The following GABRG3 variants were observed in gnomAD, a reference collection of about 807,000 sequenced individuals.
GABRG3 encodes gamma-aminobutyric acid receptor subunit gamma-3.
Under a neutral mutation model 48.8 loss-of-function variants are expected in GABRG3, and 25 were observed. That is an observed-to-expected ratio of 0.51 (90% CI 0.37 to 0.72). GABRG3 has a LOEUF of 0.72. GABRG3 is among the 30% of genes least tolerant of loss of function. GABRG3 has a pLI of 0.00. For synonymous variants in GABRG3, 227 were observed against 217.6 expected (o/e 1.04, Z -0.38); for missense variants, 394 against 577.9 (o/e 0.68, Z 3.26).
rs1029228357 is a variant in GABRG3, at chr15:27,287,725, G to T, written c.271-39084G>T. On this transcript the variant is annotated intron_variant, in intron 3 of 9. Coordinates refer to ENST00000615808, the MANE Select transcript of GABRG3 (RefSeq NM_033223.5). ...GGAATAATATCTATTCATTCAAGAT[G>T]ATTTGCTGTGTCTTTTTTTTTTTTT... Among the ~76,000 whole-genome samples, 43 of 146,336 alleles carry T rather than the reference G, an allele frequency of 2.9e-4. 1 individual carries two copies. Among genetic ancestry groups the T allele is most frequent in the African/African-American group, 9.9e-4 (39 of 39,346 alleles).
intron 3 of GABRG3, among the ~76,000 whole-genome samples, chr15:27,227,343 T>G (rs866319100): frequency 6.6e-6 from 1 of 151,956 alleles, no homozygotes; most frequent in African/African-American, 2.4e-5. Flanking sequence ...ACAGAAAAGT[T>G]ACCTGGGCCT....
intron 2 of GABRG3, among the ~76,000 whole-genome samples, chr15:27,003,658 A>G (rs184896033): frequency 0.065 from 9,952 of 152,198 alleles, 370 homozygotes; most frequent in East Asian, 0.18. Flanking sequence ...CGATTTCTCA[A>G]TCTTTTCCCC....
intron 5 of GABRG3, among the ~76,000 whole-genome samples, chr15:27,407,036 T>A (rs1054453500): frequency 2.6e-5 from 4 of 152,086 alleles, no homozygotes; most frequent in African/African-American, 9.7e-5. Context: ...CAAGCAATTC[T>A]CCTGCCTCAC....
chr15:27,454,067 T>G (rs1341228776), intron 5 of GABRG3, among the ~76,000 whole-genome samples: 5 of 152,234 alleles, frequency 3.3e-5, no homozygotes, highest in Non-Finnish European at 5.9e-5. Context: ...CAGAGGCAGC[T>G]GCCACACTGA....
chr15:27,314,658 G>A (rs914550160), intron 3 of GABRG3, among the ~76,000 whole-genome samples: 8 of 152,138 alleles, frequency 5.3e-5, no homozygotes, highest in Admixed American at 1.3e-4. Context: ...TGAAAACAAC[G>A]TAATGTCCAT....
At chr15:27,224,437 C>G (rs900097824) in intron 3 of GABRG3, among the ~76,000 whole-genome samples, 4 of 152,112 alleles carry the variant, frequency 2.6e-5, no homozygotes, top group Non-Finnish European at 5.9e-5. Context: ...TCACAGCTAC[C>G]CAGGAAGCAG....
intron 2 of GABRG3, among the ~76,000 whole-genome samples, chr15:27,012,094 C>T (rs1034860289): frequency 6.6e-6 from 1 of 152,066 alleles, no homozygotes; most frequent in African/African-American, 2.4e-5. Flanking sequence ...TTGAATACTG[C>T]AGATCAGATG....
intron 6 of GABRG3, among the ~76,000 whole-genome samples, chr15:27,518,223 G>A (rs1891073071): frequency 7.1e-6 from 1 of 141,646 alleles, no homozygotes; most frequent in Non-Finnish European, 1.5e-5. Flanking sequence ...AAAAGAATTA[G>A]CCAGACGTGG....
chr15:27,347,968 A>G (rs965783843), intron 5 of GABRG3, among the ~76,000 whole-genome samples: 2 of 151,970 alleles, frequency 1.3e-5, no homozygotes, highest in African/African-American at 4.8e-5. Context: ...GCTTTTTCTC[A>G]TTGTAAGGAT....
chr15:27,245,923 C>T (rs540026970), intron 3 of GABRG3, among the ~76,000 whole-genome samples: 73 of 152,238 alleles, frequency 4.8e-4, no homozygotes, highest in Admixed American at 1.7e-3. Flanking sequence ...TGTACAAGGG[C>T]GACACCAGCA....
rs529168133 is a variant in GABRG3 at position 27,538,618 on chromosome 15, C to A, written c.*5737C>A. 1.3e-5 allele frequency: 2 copies of A among 152,192 alleles called. No individual in the cohort carries two copies. Among genetic ancestry groups the A allele is most frequent in the Middle Eastern group, 3.2e-3 (1 of 316 alleles). 9.4% of individuals were successfully genotyped at this position (152,192 alleles called of 1,614,324 possible). ...ATGGTTCCTGCAGGGAAGCCAGAGC[C>A]TCTATGTCTGCCGAACAGTTTAAAT... On this transcript the variant is annotated 3_prime_UTR_variant, in exon 10 of 10. Coordinates refer to ENST00000615808, the MANE Select transcript of GABRG3 (RefSeq NM_033223.5).
chr15:27,319,064 C>A lies in GABRG3; in HGVS notation c.271-7745C>A, dbSNP rs1209121048. On this transcript the variant is annotated intron_variant, in intron 3 of 9. Transcript: ENST00000615808. This position sits in a 1 kb window ranked among gnomAD's most constrained non-coding sequence, Gnocchi z 4.4. ...GGGTAGATCATAAATGTTCTCACCA[C>A]CATAAAAAAATAAAAGGCAACTGTG... Among the ~76,000 whole-genome samples, 1 of 152,046 alleles carries A rather than the reference C, an allele frequency of 6.6e-6. No homozygotes were observed. Among genetic ancestry groups the A allele is most frequent in the East Asian group, 1.9e-4 (1 of 5,184 alleles).
rs1894838822 is a variant in GABRG3 at position 26,971,408 on chromosome 15, C to G, written c.-128C>G. On this transcript the variant is annotated 5_prime_UTR_variant, in exon 1 of 10. Coordinates refer to ENST00000615808, the MANE Select transcript of GABRG3 (RefSeq NM_033223.5). ...GGCCAGCGCCAGAGTAGATACCTGTCCCGCCCGCCGCGGCCAGCAGCCTCG... is the reference window on the plus strand; with the variant it reads ...GGCCAGCGCCAGAGTAGATACCTGTGCCGCCCGCCGCGGCCAGCAGCCTCG... The G allele has an allele frequency of 2.8e-6, 2 of 707,542 alleles. No homozygotes were observed. Among genetic ancestry groups the G allele is most frequent in the African/African-American group, 1.9e-5 (1 of 53,178 alleles). 43.8% of individuals were successfully genotyped at this position (707,542 alleles called of 1,614,324 possible).
intron 3 of GABRG3, among the ~76,000 whole-genome samples, chr15:27,235,999 A>T (rs970738085): frequency 6.6e-6 from 1 of 152,188 alleles, no homozygotes; most frequent in Non-Finnish European, 1.5e-5. Context: ...TCTACAAAAG[A>T]TCACTTTGCA....
chr15:27,325,627 G>A (rs2140517921), intron 3 of GABRG3, among the ~76,000 whole-genome samples: 1 of 152,208 alleles, frequency 6.6e-6, no homozygotes, highest in South Asian at 2.1e-4. Context: ...TTTATTTAAG[G>A]CCCATCTTCC....
intron 3 of GABRG3, among the ~76,000 whole-genome samples, chr15:27,139,846 T>G (rs2140388909): frequency 6.6e-6 from 1 of 152,282 alleles, no homozygotes; most frequent in South Asian, 2.1e-4. Flanking sequence ...TTGAGACTTT[T>G]AGCCCCACCC....
At chr15:27,252,198 C>T (rs1197775664) in intron 3 of GABRG3, among the ~76,000 whole-genome samples, 4 of 152,098 alleles carry the variant, frequency 2.6e-5, no homozygotes, top group South Asian at 2.1e-4. Context: ...GGGGGGTGGC[C>T]GTGGGCTGGC....
At chr15:27,426,160 C>CTATCACCAA (rs2140617821) in intron 5 of GABRG3, among the ~76,000 whole-genome samples, 1 of 152,288 alleles carries the variant, frequency 6.6e-6, no homozygotes, top group Non-Finnish European at 1.5e-5. Context: ...GATGAAGAGT[C>CTATCACCAA]TATCACCAAG....
intron 5 of GABRG3, among the ~76,000 whole-genome samples, chr15:27,379,091 A>G (rs1204695535): frequency 6.6e-6 from 1 of 152,348 alleles, no homozygotes; most frequent in East Asian, 1.9e-4. Context: ...AGTTCCAAAG[A>G]AGAATTCAAT....
Sources: allele counts gnomAD v4.1 joint callset (sites outside exome capture counted in the v4.1 genomes callset), GRCh38; gene constraint gnomAD v4.1.1; non-coding constraint Gnocchi (gnomAD v3.1); transcripts MANE v1.5; gene names NCBI Gene and HGNC (gene_info 2026-07-23, HGNC 2026-07-21).